The following DPP10 variants were observed in gnomAD, a reference collection of about 807,000 sequenced individuals.
DPP10 encodes dipeptidyl peptidase like 10.
A neutral mutation model predicts 120.9 loss-of-function variants in DPP10; 33 were observed. The observed-to-expected ratio is 0.27, with a 90% CI of 0.21 to 0.37. The LOEUF is 0.37. DPP10 is among the 10% of genes least tolerant of loss of function. The pLI is 1.00. For missense variants in DPP10, 816 were observed against 942.8 expected, an observed-to-expected ratio of 0.87 and a Z score of 1.76; for synonymous variants, 337 against 326.1, an observed-to-expected ratio of 1.03 and a Z score of -0.36.
intron 5 of DPP10, among the ~76,000 whole-genome samples, chr2:115,598,987 G>T (rs769994250): frequency 4.0e-5 from 6 of 151,632 alleles, no homozygotes; most frequent in Non-Finnish European, 7.4e-5. Context: ...CTCTGTAAAG[G>T]TTTCTTTTTC....
chr2:115,442,363 T>TTGTG (rs555025083), intron 3 of DPP10, among the ~76,000 whole-genome samples: 12,933 of 147,278 alleles, frequency 0.088, 598 homozygotes, highest in Middle Eastern at 0.13. Context: ...GTGTGTGTGT[T>TTGTG]TGTGTGTGTG....
intron 21 of DPP10, among the ~76,000 whole-genome samples, chr2:115,824,550 T>C (rs1254592408): frequency 1.3e-5 from 2 of 152,122 alleles, no homozygotes; most frequent in Non-Finnish European, 2.9e-5. Context: ...CAGCTCCCAC[T>C]TATGAGTGAG....
chr2:114,532,294 T>TACAC (rs1445405855), intron 1 of DPP10, among the ~76,000 whole-genome samples: 281 of 65,802 alleles, frequency 4.3e-3, no homozygotes, highest in Middle Eastern at 6.2e-3. Flanking sequence ...TATATATATA[T>TACAC]ATACACACAC....
intron 1 of DPP10, among the ~76,000 whole-genome samples, chr2:114,777,303 C>A (rs990660847): frequency 1.3e-5 from 2 of 152,138 alleles, no homozygotes; most frequent in Admixed American, 1.3e-4. Context: ...TTCCTTTCTT[C>A]CTGGTCCAAC....
chr2:115,236,486 A>G (rs1235043935), intron 1 of DPP10, among the ~76,000 whole-genome samples: 2 of 152,278 alleles, frequency 1.3e-5, no homozygotes, highest in African/African-American at 4.8e-5. Flanking sequence ...TTAGTAATGA[A>G]CTCCTTAAAC....
intron 1 of DPP10, among the ~76,000 whole-genome samples, chr2:114,883,645 A>G (rs1691826111): frequency 6.6e-6 from 1 of 152,192 alleles, no homozygotes; most frequent in South Asian, 2.1e-4. Flanking sequence ...GTGTTGATGG[A>G]AAATAAAAAA....
intron 1 of DPP10, among the ~76,000 whole-genome samples, chr2:114,481,582 A>G (rs534875206): frequency 2.0e-3 from 300 of 152,256 alleles, no homozygotes; most frequent in African/African-American, 6.7e-3. Flanking sequence ...GCTTTACTTA[A>G]ATAATTGTGG....
At chr2:114,938,924 T>G (rs1401254193) in intron 1 of DPP10, among the ~76,000 whole-genome samples, 1 of 152,136 alleles carries the variant, frequency 6.6e-6, no homozygotes, top group South Asian at 2.1e-4. Context: ...TAGCTTTTGA[T>G]ATTATATTTG....
At chr2:115,305,210 A>C (rs1043929985) in intron 1 of DPP10, among the ~76,000 whole-genome samples, 2 of 152,040 alleles carry the variant, frequency 1.3e-5, no homozygotes, top group African/African-American at 4.8e-5. Context: ...CATCCAGATG[A>C]CCATGTTGCA....
intron 1 of DPP10, among the ~76,000 whole-genome samples, chr2:114,913,965 G>T (rs1270718915): frequency 6.6e-6 from 1 of 152,130 alleles, no homozygotes; most frequent in Non-Finnish European, 1.5e-5. Flanking sequence ...ACCAAGCTGA[G>T]GAAAGCTTCT....
intron 3 of DPP10, among the ~76,000 whole-genome samples, chr2:115,373,982 CG>C (rs2065603473): frequency 6.6e-6 from 1 of 151,894 alleles, no homozygotes; most frequent in Non-Finnish European, 1.5e-5. Flanking sequence ...AAAAACAAGG[CG>C]GATATCTGCC....
intron 1 of DPP10, among the ~76,000 whole-genome samples, chr2:114,474,044 G>A (rs1271729344): frequency 2.6e-5 from 4 of 152,142 alleles, no homozygotes; most frequent in South Asian, 4.1e-4. Flanking sequence ...TGCAACCTCC[G>A]CCTCCCAGGT....
At chr2:115,368,093 G>A (rs769432354) in intron 3 of DPP10, among the ~76,000 whole-genome samples, 4 of 152,118 alleles carry the variant, frequency 2.6e-5, no homozygotes, top group Non-Finnish European at 5.9e-5. Flanking sequence ...GACCATTATT[G>A]AAGGTTTACC....
In DPP10 at chr2:114,543,703, C is replaced by T. The variant is rs368846071; in HGVS notation, c.60+100865C>T. On this transcript the variant is annotated intron_variant, in intron 1 of 25. Transcript: ENST00000410059. ...ACTCCTCTCCCATACGGGCTGTTAA[C>T]TTTTATTTGTGTAGTGCTGCTTTTA... Among the ~76,000 whole-genome samples, 36 of 152,180 alleles carry T rather than the reference C, an allele frequency of 2.4e-4. No homozygotes were observed. In the East Asian group the frequency reaches 6.0e-3, roughly 25 times the overall value.
At chr2:115,762,743 A>T in intron 12 of DPP10, 133 bp downstream of exon 12, 1 of 1,025,266 alleles carries the variant, frequency 9.8e-7, no homozygotes, top group Non-Finnish European at 1.5e-6. Context: ...CTTTTTCATT[A>T]AAAGGATCAC....
At position 115,507,439 on chromosome 2, in the gene DPP10, A is replaced by G. The variant is rs185785416; in HGVS notation, c.366+7835A>G. ...AAATTTAAATCCTTGTTGAAAAATAACATAGGGTGAGGTCTAGAGAATGAT... is the reference window on the plus strand; with the variant it reads ...AAATTTAAATCCTTGTTGAAAAATAGCATAGGGTGAGGTCTAGAGAATGAT... On this transcript the variant is annotated intron_variant, in intron 4 of 25. Transcript: ENST00000410059. Among the ~76,000 whole-genome samples the G allele has an allele frequency of 2.0e-3, 312 of 152,278 alleles. 4 individuals are homozygous for G. Among genetic ancestry groups the G allele is most frequent in the African/African-American group, 7.2e-3 (298 of 41,566 alleles).
intron 5 of DPP10, among the ~76,000 whole-genome samples, chr2:115,587,089 C>CAT: frequency 9.6e-6 from 1 of 103,908 alleles, no homozygotes; most frequent in Admixed American, 1.1e-4. Context: ...TTTTCTCTTT[C>CAT]TTTTTTTTTT....
chr2:115,277,534 A>G (rs777187367), intron 1 of DPP10, among the ~76,000 whole-genome samples: 2 of 150,130 alleles, frequency 1.3e-5, no homozygotes, highest in Non-Finnish European at 3.0e-5. Flanking sequence ...GTTACAGAAG[A>G]AAATGTTTTA....
At chr2:114,662,681 C>G (rs17783822) in intron 1 of DPP10, among the ~76,000 whole-genome samples, 17,004 of 152,128 alleles carry the variant, frequency 0.11, 1,350 homozygotes, top group Admixed American at 0.24. Context: ...GTGACCACAA[C>G]GCGCAGAAAC....
Sources: gnomAD v4.1 joint callset for allele counts (sites outside exome capture counted in the v4.1 genomes callset) on GRCh38, gnomAD v4.1.1 for gene constraint, MANE v1.5 for transcripts, NCBI Gene and HGNC (gene_info 2026-07-23, HGNC 2026-07-21) for gene names.